The following ZNF385D variants were observed in gnomAD, a reference collection of about 807,000 sequenced individuals.
ZNF385D encodes zinc finger protein 385D, also known as zinc finger protein 659.
In ZNF385D, 15 loss-of-function variants were observed where a neutral mutation model predicts 35.8. The observed-to-expected ratio is 0.42, with a 90% confidence interval of 0.28 to 0.64. The LOEUF is 0.64. Ranked by LOEUF, ZNF385D falls within the 30% of genes least tolerant of loss-of-function variation. The pLI is 0.23. For missense variants in ZNF385D, 474 were observed against 494.6 expected (o/e 0.96, Z 0.39); for synonymous variants, 212 against 186.8 (o/e 1.13, Z -1.10).
chr3:22,158,870 C>G (rs1015440564), intron 3 of ZNF385D, among the ~76,000 whole-genome samples: 1 of 151,870 alleles, frequency 6.6e-6, no homozygotes, highest in African/African-American at 2.4e-5. Flanking sequence ...TTCATGCATA[C>G]AAGAATCTCA....
At chr3:22,149,379 C>T (rs1705079681) in intron 3 of ZNF385D, among the ~76,000 whole-genome samples, 1 of 152,108 alleles carries the variant, frequency 6.6e-6, no homozygotes, top group Non-Finnish European at 1.5e-5. Context: ...ACCTAAATTA[C>T]CCTATTTAAT....
chr3:22,130,268 G>A (rs1703697658), intron 3 of ZNF385D, among the ~76,000 whole-genome samples: 1 of 152,136 alleles, frequency 6.6e-6, no homozygotes, highest in African/African-American at 2.4e-5. Context: ...TGGGAGAAGG[G>A]TGATGCAAGT....
chr3:21,804,451 C>G (rs1180411132), intron 3 of ZNF385D, among the ~76,000 whole-genome samples: 1 of 152,092 alleles, frequency 6.6e-6, no homozygotes, highest in Non-Finnish European at 1.5e-5. Context: ...AAGGAAGTGC[C>G]TTGACTTCTC....
rs564439428 is a variant in ZNF385D, at chr3:21,888,367, T to G, written c.326-223339A>C. 2.2e-4 allele frequency among the ~76,000 whole-genome samples: 34 copies of G among 152,216 alleles called. 1 individual carries two copies. In the South Asian group the frequency reaches 6.6e-3, roughly 30 times the overall value. ...ACAAAATAGGGGCCAAGGAAGAGAC[T>G]TGAAGACCACTAGCACTGAATTGAA... On this transcript the variant is annotated intron_variant, in intron 3 of 5. Coordinates refer to the ZNF385D transcript ENST00000494108.
chr3:22,123,805 G>A (rs964621985), intron 3 of ZNF385D, among the ~76,000 whole-genome samples: 1 of 151,502 alleles, frequency 6.6e-6, no homozygotes, highest in Non-Finnish European at 1.5e-5. Flanking sequence ...GAGGTTGCAG[G>A]GAACTGAGAT....
intron 3 of ZNF385D, among the ~76,000 whole-genome samples, chr3:22,068,037 G>A (rs1272204841): frequency 2.0e-5 from 3 of 151,942 alleles, no homozygotes; most frequent in Non-Finnish European, 2.9e-5. Context: ...AGACTTCTCT[G>A]ATCAATACAG....
intron 2 of ZNF385D, among the ~76,000 whole-genome samples, chr3:22,339,445 A>T (rs1184108541): frequency 3.9e-5 from 6 of 152,218 alleles, no homozygotes; most frequent in Admixed American, 3.9e-4. Flanking sequence ...AAGATTAATT[A>T]GCCACATCTC....
intron 2 of ZNF385D, among the ~76,000 whole-genome samples, chr3:22,315,795 C>T (rs953730618): frequency 1.3e-5 from 2 of 152,034 alleles, no homozygotes; most frequent in Non-Finnish European, 2.9e-5. Flanking sequence ...AACTTTAAAG[C>T]AAGGATGATA....
rs199835579 is a variant in ZNF385D at position 21,711,510 on chromosome 3, C to T, written c.22+39385G>A. 3.2e-3 allele frequency among the ~76,000 whole-genome samples: 492 copies of T among 152,226 alleles called. 4 individuals carry two copies. Among genetic ancestry groups the T allele is most frequent in the African/African-American group, 0.011 (477 of 41,522 alleles). The stretch of plus-strand genomic sequence containing the variant: ...TTTTTTAAAAACGACAGTAATTAAA[C>T]GACAATTCTGTTAAAAGTAATCCAG... On this transcript the variant is annotated intron_variant, in intron 1 of 7. Transcript: ENST00000281523.
chr3:21,821,446 G>T (rs973441568), intron 3 of ZNF385D, among the ~76,000 whole-genome samples: 1 of 152,044 alleles, frequency 6.6e-6, no homozygotes, highest in South Asian at 2.1e-4. Flanking sequence ...ACAAATACAT[G>T]ATACTTAGAA....
intron 3 of ZNF385D, among the ~76,000 whole-genome samples, chr3:22,163,472 G>C (rs956132268): frequency 7.2e-5 from 11 of 152,128 alleles, no homozygotes; most frequent in African/African-American, 2.4e-4. Context: ...ACGTAAATAT[G>C]TAAAACATAT....
At chr3:21,487,841 T>C (rs968874171) in intron 4 of ZNF385D, among the ~76,000 whole-genome samples, 27 of 152,158 alleles carry the variant, frequency 1.8e-4, no homozygotes, top group Non-Finnish European at 4.4e-5. Flanking sequence ...TAAAAATCTT[T>C]GTTGAACTTT....
At chr3:22,312,708 C>T (rs9825068) in intron 2 of ZNF385D, among the ~76,000 whole-genome samples, 91,361 of 147,932 alleles carry the variant, frequency 0.62, 28,499 homozygotes, top group African/African-American at 0.72. Context: ...TGAGATACCA[C>T]CTCACACCAG....
chr3:21,890,294 G>C (rs779025), intron 3 of ZNF385D, among the ~76,000 whole-genome samples: 23 of 152,288 alleles, frequency 1.5e-4, no homozygotes, highest in Non-Finnish European at 2.8e-4. Context: ...AAGTGGGAAA[G>C]AAAGAATGAT....
intron 3 of ZNF385D, among the ~76,000 whole-genome samples, chr3:21,783,153 G>T (rs985387642): frequency 1.3e-5 from 2 of 152,064 alleles, no homozygotes; most frequent in East Asian, 3.9e-4. Context: ...TTCTATTTAT[G>T]AACTTTCACG....
chr3:22,197,585 A>T (rs950119072), intron 2 of ZNF385D, among the ~76,000 whole-genome samples: 2 of 152,094 alleles, frequency 1.3e-5, no homozygotes, highest in Non-Finnish European at 2.9e-5. Flanking sequence ...CCTTACTCCT[A>T]GAGTGCAGGT....
At chr3:21,843,690 T>C (rs1217120179) in intron 3 of ZNF385D, among the ~76,000 whole-genome samples, 1 of 151,942 alleles carries the variant, frequency 6.6e-6, no homozygotes, top group Non-Finnish European at 1.5e-5. Context: ...CAGAAGATGA[T>C]AAAGGGGAAT....
At chr3:22,263,674 G>A (rs1370678139) in intron 2 of ZNF385D, among the ~76,000 whole-genome samples, 1 of 151,972 alleles carries the variant, frequency 6.6e-6, no homozygotes, top group Non-Finnish European at 1.5e-5. Flanking sequence ...TTAAATGAAT[G>A]AATGAACAAA....
chr3:21,990,179 A>C (rs945720974), intron 3 of ZNF385D, among the ~76,000 whole-genome samples: 1 of 152,244 alleles, frequency 6.6e-6, no homozygotes, highest in East Asian at 1.9e-4. Flanking sequence ...TTTTCTTTGA[A>C]AAGAAGAATC....
Sources: allele counts gnomAD v4.1 joint callset (sites outside exome capture counted in the v4.1 genomes callset), GRCh38; gene constraint gnomAD v4.1.1; transcripts MANE v1.5; gene names NCBI Gene and HGNC (gene_info 2026-07-23, HGNC 2026-07-21).